NRG3: variants seen among roughly 807,000 people sequenced by gnomAD.
NRG3 encodes the protein pro-neuregulin-3, membrane-bound isoform.
Under a neutral mutation model 66.9 loss-of-function variants are expected in NRG3, and 31 were observed. The observed-to-expected ratio is 0.46, with a 90% confidence interval of 0.35 to 0.63. NRG3 has a LOEUF of 0.63. Among genes scored for constraint, NRG3 ranks in the 20% least tolerant of loss-of-function variants. The probability of loss-of-function intolerance (pLI) is 0.00; values close to 1 mark genes in which losing one functional copy is unlikely to be tolerated. For missense variants in NRG3, 910 were observed against 878.9 expected, an observed-to-expected ratio of 1.04 and a Z score of -0.45; for synonymous variants, 393 against 359.4, an observed-to-expected ratio of 1.09 and a Z score of -1.06.
intron 4 of NRG3, among the ~76,000 whole-genome samples, chr10:82,882,213 G>C (rs1321596368): frequency 6.6e-6 from 1 of 152,102 alleles, no homozygotes; most frequent in African/African-American, 2.4e-5. Flanking sequence ...GTGTTCTACT[G>C]TAACTTTGCT....
intron 1 of NRG3, among the ~76,000 whole-genome samples, chr10:81,908,827 C>T (rs1312660787): frequency 2.0e-5 from 3 of 152,084 alleles, no homozygotes; most frequent in Admixed American, 6.6e-5. Context: ...CTAGTGTTCA[C>T]CTGAGAAGGA....
At chr10:82,021,955 C>G (rs1025552971) in intron 1 of NRG3, among the ~76,000 whole-genome samples, 7 of 151,572 alleles carry the variant, frequency 4.6e-5, no homozygotes, top group African/African-American at 1.5e-4. Flanking sequence ...CTTTTGTATA[C>G]ACTTAGAAAT....
chr10:82,856,358 T>C, intron 3 of NRG3, among the ~76,000 whole-genome samples: 1 of 152,140 alleles, frequency 6.6e-6, no homozygotes, highest in Admixed American at 6.5e-5. Flanking sequence ...AATCTACAAA[T>C]ATGACCTTCA....
chr10:82,453,996 C>G (rs1227544466), intron 2 of NRG3, among the ~76,000 whole-genome samples: 1 of 152,122 alleles, frequency 6.6e-6, no homozygotes, highest in East Asian at 1.9e-4. Context: ...TGTCTGAATC[C>G]AAAGCTCTCT....
chr10:82,441,684 T>C (rs998081584), intron 2 of NRG3, among the ~76,000 whole-genome samples: 1 of 152,056 alleles, frequency 6.6e-6, no homozygotes, highest in East Asian at 1.9e-4. Flanking sequence ...GGTTCCTAGA[T>C]GGGGAAAACC....
At chr10:82,684,810 G>C (rs1006828791) in intron 2 of NRG3, among the ~76,000 whole-genome samples, 1 of 152,104 alleles carries the variant, frequency 6.6e-6, no homozygotes, top group Admixed American at 6.5e-5. Context: ...CATGAAAAAG[G>C]TGTGGAGCAA....
At chr10:81,924,916 G>A (rs549601725) in intron 1 of NRG3, among the ~76,000 whole-genome samples, 9 of 151,922 alleles carry the variant, frequency 5.9e-5, no homozygotes, top group South Asian at 2.1e-4. Flanking sequence ...TATGACATTT[G>A]TATATTTGCA....
At chr10:82,036,580 A>G (rs7086804) in intron 1 of NRG3, among the ~76,000 whole-genome samples, 108,693 of 152,026 alleles carry the variant, frequency 0.71, 39,118 homozygotes, top group South Asian at 0.88. Flanking sequence ...ATGGAAGAAT[A>G]TCCTTCATAT....
At chr10:82,231,201 G>C (rs1187949871) in intron 1 of NRG3, among the ~76,000 whole-genome samples, 1 of 152,048 alleles carries the variant, frequency 6.6e-6, no homozygotes. Flanking sequence ...AAATTAGCCA[G>C]GCATGGTGGC....
chr10:82,757,586 A>C (rs1368941948), intron 3 of NRG3, among the ~76,000 whole-genome samples: 4 of 152,094 alleles, frequency 2.6e-5, no homozygotes, highest in African/African-American at 7.2e-5. Context: ...TACACACAAA[A>C]TGTCAGAATG....
At chr10:82,688,867 C>G (rs1258326639) in intron 2 of NRG3, among the ~76,000 whole-genome samples, 1 of 151,864 alleles carries the variant, frequency 6.6e-6, no homozygotes, top group East Asian at 1.9e-4. Context: ...TTGATTACTG[C>G]TCCTGATAGA....
chr10:82,473,191 C>G (rs1417359658), intron 2 of NRG3, among the ~76,000 whole-genome samples: 1 of 152,212 alleles, frequency 6.6e-6, no homozygotes, highest in Admixed American at 6.5e-5. Context: ...GCAGTGTTCA[C>G]TCTATCAAGC....
chr10:82,024,067 G>C (rs2062183890), intron 1 of NRG3, among the ~76,000 whole-genome samples: 4 of 151,826 alleles, frequency 2.6e-5, no homozygotes, highest in African/African-American at 9.7e-5. Context: ...TTTCTTCATT[G>C]TTCAATCTTG....
intron 2 of NRG3, among the ~76,000 whole-genome samples, chr10:82,534,455 G>A (rs996689248): frequency 3.9e-5 from 6 of 152,036 alleles, no homozygotes; most frequent in Admixed American, 2.6e-4. Flanking sequence ...AGTAGAAGCA[G>A]GGTTTCACCA....
intron 2 of NRG3, among the ~76,000 whole-genome samples, chr10:82,694,828 A>G (rs2055242801): frequency 6.6e-6 from 1 of 152,200 alleles, no homozygotes; most frequent in African/African-American, 2.4e-5. Flanking sequence ...AATTAGTTAT[A>G]CAAAAAACTA....
chr10:82,561,732 A>C (rs568226948), intron 2 of NRG3, among the ~76,000 whole-genome samples: 1 of 152,258 alleles, frequency 6.6e-6, no homozygotes, highest in African/African-American at 2.4e-5. Context: ...TTTTGCTTAA[A>C]CCAGATTTGT....
chr10:82,013,149 T>G (rs2132656441), intron 1 of NRG3, among the ~76,000 whole-genome samples: 1 of 152,290 alleles, frequency 6.6e-6, no homozygotes, highest in Middle Eastern at 3.4e-3. Flanking sequence ...TCCTCATGGC[T>G]TGGGAGGCCT....
At chr10:82,337,598 C>T (rs1412741534) in intron 1 of NRG3, among the ~76,000 whole-genome samples, 2 of 152,218 alleles carry the variant, frequency 1.3e-5, no homozygotes, top group Non-Finnish European at 1.5e-5. Flanking sequence ...TTACTTTCCC[C>T]AGCATTGTAT....
chr10:82,478,862 A>C (rs1376043216), intron 2 of NRG3, among the ~76,000 whole-genome samples: 1 of 152,204 alleles, frequency 6.6e-6, no homozygotes, highest in African/African-American at 2.4e-5. Context: ...TTTAGGAAAT[A>C]ATTGATTGGG....
Sources: gnomAD v4.1 joint callset for allele counts (sites outside exome capture counted in the v4.1 genomes callset) on GRCh38, gnomAD v4.1.1 for gene constraint, MANE v1.5 for transcripts, NCBI Gene and HGNC (gene_info 2026-07-23, HGNC 2026-07-21) for gene names.